SYNE1: variants seen among roughly 807,000 people sequenced by gnomAD.
The protein encoded by SYNE1 is spectrin repeat containing nuclear envelope protein 1.
Under a neutral mutation model 1,111.0 loss-of-function variants are expected in SYNE1, and 616 were observed. That is an observed-to-expected ratio of 0.55 (90% CI 0.52 to 0.59). The LOEUF (loss-of-function observed/expected upper bound fraction) is 0.59. SYNE1 is among the 20% of genes least tolerant of loss of function. The probability of loss-of-function intolerance (pLI) is 0.00; values close to 1 mark genes in which losing one functional copy is unlikely to be tolerated. For missense variants in SYNE1, 10,006 were observed against 10,417.0 expected (o/e 0.96, Z 1.72); for synonymous variants, 3,855 against 3,825.8 (o/e 1.01, Z -0.28).
intron 3 of SYNE1, among the ~76,000 whole-genome samples, chr6:152,543,719 A>C (rs2099287353): frequency 6.6e-6 from 1 of 152,224 alleles, no homozygotes; most frequent in East Asian, 1.9e-4. Flanking sequence ...GAAAAATTCC[A>C]GTTGTCTAGT....
intron 104 of SYNE1, among the ~76,000 whole-genome samples, chr6:152,253,198 C>A (rs777982355): frequency 3.3e-5 from 5 of 152,118 alleles, no homozygotes; most frequent in Non-Finnish European, 7.4e-5. Context: ...TCCCTGAGAT[C>A]ACCCTAATAT....
chr6:152,369,342 T>C, intron 60 of SYNE1, 129 bp downstream of exon 60: 2 of 1,464,080 alleles, frequency 1.4e-6, no homozygotes, highest in Non-Finnish European at 1.9e-6. Context: ...CCACCAGAAA[T>C]GGGGAAAAAC....
chr6:152,189,768 C>T (rs1388690276), intron 127 of SYNE1, among the ~76,000 whole-genome samples: 3 of 152,186 alleles, frequency 2.0e-5, no homozygotes, highest in African/African-American at 7.2e-5. Context: ...TCTGAGGCCT[C>T]AGCAAGTCAT....
intron 3 of SYNE1, among the ~76,000 whole-genome samples, chr6:152,577,197 C>A (rs765552183): frequency 4.5e-4 from 68 of 152,128 alleles, no homozygotes; most frequent in Non-Finnish European, 8.1e-4. Flanking sequence ...TAATGCAGGG[C>A]TTTAAAGAAG....
intron 127 of SYNE1, among the ~76,000 whole-genome samples, chr6:152,197,291 T>C (rs1043205927): frequency 2.0e-5 from 3 of 152,236 alleles, no homozygotes; most frequent in African/African-American, 7.2e-5. Flanking sequence ...AGTTGTTACA[T>C]TTGGTGTTCC....
chr6:152,383,225 C>T (rs2097457444), intron 55 of SYNE1, among the ~76,000 whole-genome samples: 1 of 152,236 alleles, frequency 6.6e-6, no homozygotes, highest in Non-Finnish European at 1.5e-5. Context: ...TTTATGGAAG[C>T]ACTTTATAAA....
rs886042460 is a variant in SYNE1 at position 152,284,112 on chromosome 6, C to T, written c.18073G>A (p.Ala6025Thr). The change falls in exon 96 of 146, where the codon GCA becomes ACA. Residue 6025 changes from alanine (A) to threonine (T), a missense_variant. Ala to Thr is a moderately conservative substitution (Grantham distance 58). This residue lies in a region of SYNE1 where 4,955 missense variants were observed against 5,017.2 expected (regional missense o/e 0.99). Coordinates refer to ENST00000367255, the MANE Select transcript of SYNE1 (RefSeq NM_182961.4). ...DEINELQSSL[A>T]EELVSESCEA... ...CAAGACTCGGATACCAGCTCCTCTG[C>T]GAGAGAGGACTGGAGCTCATTGATT... The T allele has an allele frequency of 9.3e-6, 15 of 1,614,148 alleles. No individual in the cohort carries two copies. The East Asian group carries it at 1.1e-4, about 12-fold the overall frequency.
intron 3 of SYNE1, among the ~76,000 whole-genome samples, chr6:152,611,974 A>C (rs1171531257): frequency 6.6e-6 from 1 of 151,972 alleles, no homozygotes; most frequent in Non-Finnish European, 1.5e-5. Flanking sequence ...AGCATACCAG[A>C]ATCTCTGGGA....
At chr6:152,350,986 T>C (rs538888606) in intron 70 of SYNE1, among the ~76,000 whole-genome samples, 77 of 152,246 alleles carry the variant, frequency 5.1e-4, no homozygotes, top group Non-Finnish European at 8.7e-4. Context: ...TGGCCCTTCC[T>C]ATGTGGAGAT....
chr6:152,239,137 G>C (rs566822400), intron 108 of SYNE1, among the ~76,000 whole-genome samples: 1 of 151,824 alleles, frequency 6.6e-6, no homozygotes, highest in East Asian at 1.9e-4. Context: ...GGCTGGTCTC[G>C]AACTCCTGAC....
At position 152,416,910 on chromosome 6, in the gene SYNE1, G is replaced by A; in HGVS notation, c.5527C>T (p.Gln1843Ter). ...LGRAEDLHLL[Q>*]GKAEDCFQLF... ...TGGAAGCAGTCCTCAGCCTTTCCCTGCAGGAGGTGGAGGTCCTCAGCACGG... is the reference window on the plus strand; with the variant it reads ...TGGAAGCAGTCCTCAGCCTTTCCCTACAGGAGGTGGAGGTCCTCAGCACGG... The change falls in exon 41 of 146, where the codon CAG (glutamine) becomes TAG (stop). Residue 1843 changes from glutamine (Q) to a stop codon, truncating the protein, a stop_gained. Transcript: ENST00000367255. LOFTEE classifies it high-confidence loss of function. 6.2e-7 allele frequency: 1 copy of A among 1,614,064 alleles called. No homozygotes were observed. Among genetic ancestry groups the A allele is most frequent in the Non-Finnish European group, 8.5e-7 (1 of 1,179,956 alleles).
intron 127 of SYNE1, among the ~76,000 whole-genome samples, chr6:152,191,562 A>G (rs777706766): frequency 2.4e-4 from 36 of 152,132 alleles, no homozygotes; most frequent in South Asian, 6.2e-4. Context: ...TTATTGGCAT[A>G]TAGTTGCTCA....
intron 115 of SYNE1, among the ~76,000 whole-genome samples, chr6:152,230,250 G>A (rs1335518819): frequency 6.6e-6 from 1 of 152,058 alleles, no homozygotes; most frequent in Non-Finnish European, 1.5e-5. Context: ...TGCCCAGGCT[G>A]CAAATCTTGA....
At chr6:152,346,685 C>A (rs997694160) in intron 73 of SYNE1, among the ~76,000 whole-genome samples, 1 of 151,962 alleles carries the variant, frequency 6.6e-6, no homozygotes, top group Non-Finnish European at 1.5e-5. Context: ...TGGCGGGCGC[C>A]TGTAGTCCCA....
At chr6:152,204,030 T>C (rs754243797) in intron 126 of SYNE1, among the ~76,000 whole-genome samples, 35 of 152,038 alleles carry the variant, frequency 2.3e-4, no homozygotes, top group Non-Finnish European at 4.6e-4. Flanking sequence ...ACATCCTGAA[T>C]TGATCAACAT....
chr6:152,592,067 G>A (rs1039890348), intron 3 of SYNE1, among the ~76,000 whole-genome samples: 3 of 152,110 alleles, frequency 2.0e-5, no homozygotes, highest in African/African-American at 4.8e-5. Flanking sequence ...ATACACTGCT[G>A]GTAGGAATGT....
intron 129 of SYNE1, among the ~76,000 whole-genome samples, chr6:152,177,129 T>C (rs985560009): frequency 6.6e-5 from 10 of 152,184 alleles, no homozygotes; most frequent in African/African-American, 2.4e-4. Context: ...AATAAATCAA[T>C]GATAAATTAA....
chr6:152,201,127 G>T (rs1045575013), intron 127 of SYNE1, among the ~76,000 whole-genome samples: 1 of 152,160 alleles, frequency 6.6e-6, no homozygotes, highest in Non-Finnish European at 1.5e-5. Flanking sequence ...TTAAAGGTAC[G>T]TTTGATATGA....
At chr6:152,401,386 G>C in intron 46 of SYNE1, 45 bp from the exon 47 acceptor site, 1 of 1,569,198 alleles carries the variant, frequency 6.4e-7, no homozygotes, top group African/African-American at 1.3e-5. Flanking sequence ...AAGACCAGAA[G>C]AATACTCATT....
Sources: allele counts gnomAD v4.1 joint callset (sites outside exome capture counted in the v4.1 genomes callset), GRCh38; gene constraint gnomAD v4.1.1; regional missense constraint gnomAD v4.1.1; transcripts MANE v1.5; gene names NCBI Gene and HGNC (gene_info 2026-07-23, HGNC 2026-07-21).